The following TNRC18 variants were observed in gnomAD, a reference collection of about 807,000 sequenced individuals.
TNRC18 encodes trinucleotide repeat containing 18, also known as trinucleotide repeat-containing gene 18 protein.
In TNRC18, 69 loss-of-function variants were observed where a neutral mutation model predicts 226.7. That is an observed-to-expected ratio of 0.30 (90% CI 0.25 to 0.37). The LOEUF (loss-of-function observed/expected upper bound fraction) is 0.37, where lower values mean the gene tolerates loss of function less well. TNRC18 is among the 10% of genes least tolerant of loss of function. TNRC18 has a pLI of 1.00. For missense variants in TNRC18, 4,754 were observed against 4,256.6 expected, an observed-to-expected ratio of 1.12 and a Z score of -3.25; for synonymous variants, 2,449 against 1,927.6, an observed-to-expected ratio of 1.27 and a Z score of -7.09.
At chr7:5,328,143 G>A (rs375141221) in intron 19 of TNRC18, among the ~76,000 whole-genome samples, 46 of 152,148 alleles carry the variant, frequency 3.0e-4, no homozygotes, top group African/African-American at 1.0e-3. Context: ...ACTTGAACCC[G>A]GGAGGCAGAG....
chr7:5,309,814 A>G lies in TNRC18; in HGVS notation c.8389-446T>C, dbSNP rs1303963930. 6.6e-6 allele frequency among the ~76,000 whole-genome samples: 1 copy of G among 152,190 alleles called. No homozygotes were observed. Among genetic ancestry groups the G allele is most frequent in the Non-Finnish European group, 1.5e-5 (1 of 68,034 alleles). On this transcript the variant is annotated intron_variant, in intron 27 of 29. Transcript: ENST00000430969. This position sits in a 1 kb window ranked among gnomAD's most constrained non-coding sequence, Gnocchi z 5.7. ...ACAAGGTCTCACTATGTTGCCCAGG[A>G]TGGTCTCAGACTTTTGGCCTCAAAC...
At chr7:5,412,244 GA>G (rs55864404) in intron 2 of TNRC18, among the ~76,000 whole-genome samples, 3,258 of 71,678 alleles carry the variant, frequency 0.045, 31 homozygotes, top group Middle Eastern at 0.08. Context: ...AATTCCAAAT[GA>G]AAAAAAAAAA....
chr7:5,404,433 G>A (rs754480830), intron 2 of TNRC18, among the ~76,000 whole-genome samples: 1 of 152,160 alleles, frequency 6.6e-6, no homozygotes, highest in Non-Finnish European at 1.5e-5. Flanking sequence ...AAACTCCATC[G>A]AAATTTCAAG....
intron 18 of TNRC18, among the ~76,000 whole-genome samples, chr7:5,333,837 A>C (rs1286963327): frequency 6.6e-6 from 1 of 151,892 alleles, no homozygotes; most frequent in African/African-American, 2.4e-5. Context: ...CTATGGCCGC[A>C]CCTCTGTTGT....
chr7:5,374,586 A>C, intron 9 of TNRC18, 102 bp from the exon 10 acceptor site: 1 of 1,255,554 alleles, frequency 8.0e-7, no homozygotes, highest in Non-Finnish European at 1.1e-6. Flanking sequence ...TCCGAGGAGA[A>C]CCTCATGCAG....
rs775945765 is a variant in TNRC18 at position 5,357,224 on chromosome 7, T to C, written c.4886A>G (p.Lys1629Arg). 7.6e-5 allele frequency: 123 copies of C among 1,612,446 alleles called. No individual in the cohort carries two copies. The highest frequency in any genetic ancestry group is 1.0e-4 in the Non-Finnish European group (119 of 1,179,438). The change falls in exon 16 of 30, where the codon AAG becomes AGG. Residue 1629 changes from lysine (K) to arginine (R), a missense_variant. Transcript: ENST00000430969. Reference protein sequence around the residue: ...MASDQEQLASKLDKALSLTKQ... With the variant: ...MASDQEQLASRLDKALSLTKQ... ...GGTGAGGGAGAGGGCCTTGTCGAGC[T>C]TGCTTGCCAACTGCTCCTGGTCGCT...
At position 5,388,709 on chromosome 7, in the gene TNRC18, G is replaced by A. The variant is rs1780020522; in HGVS notation, c.1115C>T (p.Pro372Leu). ...GGCCTCCACGGAAGGCACGAAGGTGGGCGCCACCACGCGGTGCTCACGGCC... is the reference window on the plus strand; with the variant it reads ...GGCCTCCACGGAAGGCACGAAGGTGAGCGCCACCACGCGGTGCTCACGGCC... ...EQGREHRVVAPTFVPSVEAFD... is the reference protein window; with the variant it reads ...EQGREHRVVALTFVPSVEAFD... The change falls in exon 5 of 30, where the codon CCC (proline) becomes CTC (leucine). Residue 372 changes from proline (P) to leucine (L), a missense_variant. Transcript: ENST00000430969. 2 of 1,264,810 alleles carry A rather than the reference G, an allele frequency of 1.6e-6. No individual in the cohort carries two copies. The highest frequency in any genetic ancestry group is 1.6e-5 in the African/African-American group (1 of 62,560). The allele number at this position is 1,264,810 out of a possible 1,614,324, so 78.3% of individuals were successfully genotyped here.
At chr7:5,332,121 GAA>G (rs1185158895) in intron 19 of TNRC18, among the ~76,000 whole-genome samples, 2 of 152,166 alleles carry the variant, frequency 1.3e-5, no homozygotes, top group Non-Finnish European at 2.9e-5. Flanking sequence ...TGAGACAGGA[GAA>G]AAGAGAGTAA....
intron 3 of TNRC18, among the ~76,000 whole-genome samples, chr7:5,392,368 C>T (rs1368765235): frequency 6.6e-6 from 1 of 152,124 alleles, no homozygotes; most frequent in Non-Finnish European, 1.5e-5. Context: ...GAGGCTGTGG[C>T]AGGAGGATCT....
intron 2 of TNRC18, among the ~76,000 whole-genome samples, chr7:5,402,065 G>C (rs901981442): frequency 6.6e-6 from 1 of 151,618 alleles, no homozygotes; most frequent in Admixed American, 6.6e-5. Flanking sequence ...TGTAGTCCCA[G>C]CTACTCCGGA....
intron 19 of TNRC18, 69 bp downstream of exon 19, chr7:5,332,553 G>A (rs1455335998): frequency 3.5e-6 from 5 of 1,448,144 alleles, no homozygotes; most frequent in South Asian, 2.7e-5. Context: ...GGCTGGGAGG[G>A]GAGAGGGCCC....
At chr7:5,367,626 C>T (rs1206445388) in intron 11 of TNRC18, among the ~76,000 whole-genome samples, 3 of 151,682 alleles carry the variant, frequency 2.0e-5, no homozygotes, top group Non-Finnish European at 4.4e-5. Context: ...TGGGGTTTCA[C>T]CATGTTGGCC....
At chr7:5,422,118 G>T (rs956936633) in intron 1 of TNRC18, among the ~76,000 whole-genome samples, 3 of 152,010 alleles carry the variant, frequency 2.0e-5, no homozygotes, top group African/African-American at 7.2e-5. Context: ...CCCCCGGGGG[G>T]CACTGTGAGT....
chr7:5,364,516 A>ACACAC (rs1793423956), intron 11 of TNRC18, among the ~76,000 whole-genome samples: 1 of 122,868 alleles, frequency 8.1e-6, no homozygotes, highest in African/African-American at 3.1e-5. Flanking sequence ...CACACACACG[A>ACACAC]TCTCAGGCTG....
At chr7:5,333,528 C>G (rs542141886) in intron 18 of TNRC18, among the ~76,000 whole-genome samples, 2 of 152,300 alleles carry the variant, frequency 1.3e-5, no homozygotes, top group Non-Finnish European at 2.9e-5. Flanking sequence ...ACTGCCCTCT[C>G]TACACGACAT....
In TNRC18 at chr7:5,374,448, T is replaced by C. The variant is rs1389039421; in HGVS notation, c.2836A>G (p.Met946Val). 1.9e-6 allele frequency: 3 copies of C among 1,546,288 alleles called. No homozygotes were observed. The African/African-American group carries it at 4.1e-5, about 21-fold the overall frequency. ...CCCCGCTTGCTCCCCTTCTCTTCCA[T>C]CTCCGCCCGGTGCTCCTGCGCCTTC... ...RLKAQEHRAEMEEKGSKRGLE... is the reference protein window; with the variant it reads ...RLKAQEHRAEVEEKGSKRGLE... Residue 946 changes from methionine to valine, a missense_variant, in exon 10 of 30, where the codon ATG (methionine) becomes GTG (valine). Met to Val is a conservative substitution (Grantham distance 21). Coordinates refer to ENST00000430969, the MANE Select transcript of TNRC18 (RefSeq NM_001080495.3).
intron 2 of TNRC18, among the ~76,000 whole-genome samples, chr7:5,405,766 A>G (rs534434045): frequency 5.2e-4 from 79 of 152,132 alleles, no homozygotes; most frequent in Middle Eastern, 3.4e-3. Context: ...TAAAAATAAA[A>G]AGTATACAGA....
At chr7:5,414,666 C>G (rs1333751710) in intron 2 of TNRC18, among the ~76,000 whole-genome samples, 1 of 152,216 alleles carries the variant, frequency 6.6e-6, no homozygotes, top group Non-Finnish European at 1.5e-5. Context: ...CCCGCCTCAG[C>G]CTCCCAAAGT....
chr7:5,386,599 A>T (rs1344398557), intron 5 of TNRC18, among the ~76,000 whole-genome samples: 1 of 151,630 alleles, frequency 6.6e-6, no homozygotes, highest in African/African-American at 2.4e-5. Flanking sequence ...AAAAAGAAAA[A>T]ATTAGTCGGG....
Sources: gnomAD v4.1 joint callset for allele counts (sites outside exome capture counted in the v4.1 genomes callset) on GRCh38, gnomAD v4.1.1 for gene constraint, Gnocchi (gnomAD v3.1) non-coding constraint, MANE v1.5 for transcripts, NCBI Gene and HGNC (gene_info 2026-07-23, HGNC 2026-07-21) for gene names.